Variants in PCCA observed in about 807,000 individuals in gnomAD.
PCCA encodes propionyl-CoA carboxylase subunit alpha.
In PCCA, 74 loss-of-function variants were observed where a neutral mutation model predicts 101.3. That is an observed-to-expected ratio of 0.73 (90% CI 0.61 to 0.89). The LOEUF (loss-of-function observed/expected upper bound fraction) is 0.89, where lower values mean the gene tolerates loss of function less well. Among genes scored for constraint, PCCA ranks in the 40% least tolerant of loss-of-function variants. The pLI, the probability that PCCA is intolerant of heterozygous loss-of-function variation, is 0.00. For synonymous variants in PCCA, 294 were observed against 313.6 expected, an observed-to-expected ratio of 0.94 and a Z score of 0.66; for missense variants, 891 against 907.0, an observed-to-expected ratio of 0.98 and a Z score of 0.23.
At chr13:100,119,754 G>T (rs2049180471) in intron 4 of PCCA, among the ~76,000 whole-genome samples, 1 of 152,068 alleles carries the variant, frequency 6.6e-6, no homozygotes, top group South Asian at 2.1e-4. Context: ...AACTCACACG[G>T]GATCTGTTTC....
intron 21 of PCCA, among the ~76,000 whole-genome samples, chr13:100,514,800 T>C (rs2152997712): frequency 6.6e-6 from 1 of 152,334 alleles, no homozygotes; most frequent in Non-Finnish European, 1.5e-5. Flanking sequence ...ATCTTGCATC[T>C]TTTCCTAACC....
intron 21 of PCCA, among the ~76,000 whole-genome samples, chr13:100,501,934 T>TG (rs1402378989): frequency 2.0e-5 from 3 of 151,120 alleles, no homozygotes; most frequent in African/African-American, 7.3e-5. Flanking sequence ...GAAACTCAGG[T>TG]GGGGGGCCTA....
chr13:100,240,940 A>ATG (rs2061091534), intron 8 of PCCA, among the ~76,000 whole-genome samples: 1 of 152,090 alleles, frequency 6.6e-6, no homozygotes, highest in Non-Finnish European at 1.5e-5. Context: ...ATGCATATAT[A>ATG]TATATAACTT....
At chr13:100,442,367 A>C (rs1054413967) in intron 20 of PCCA, among the ~76,000 whole-genome samples, 1 of 152,212 alleles carries the variant, frequency 6.6e-6, no homozygotes, top group African/African-American at 2.4e-5. Flanking sequence ...TTATATATGT[A>C]ATTGTGACCT....
At chr13:100,526,434 C>T (rs2087823755) in intron 22 of PCCA, among the ~76,000 whole-genome samples, 1 of 152,236 alleles carries the variant, frequency 6.6e-6, no homozygotes, top group Non-Finnish European at 1.5e-5. Flanking sequence ...AAGCAGCCCA[C>T]CACCTGAACA....
intron 2 of PCCA, among the ~76,000 whole-genome samples, chr13:100,106,658 A>G (rs1229682364): frequency 6.6e-6 from 1 of 151,970 alleles, no homozygotes; most frequent in Non-Finnish European, 1.5e-5. Flanking sequence ...CAGGTGATCC[A>G]CCTGTCTCCA....
chr13:100,317,779 G>T (rs952100256), intron 16 of PCCA, among the ~76,000 whole-genome samples: 1 of 152,094 alleles, frequency 6.6e-6, no homozygotes, highest in African/African-American at 2.4e-5. Context: ...GTAGAGATGG[G>T]ATTTTGCCAT....
At chr13:100,260,747 AT>A (rs1368832258) in intron 9 of PCCA, among the ~76,000 whole-genome samples, 3 of 152,104 alleles carry the variant, frequency 2.0e-5, no homozygotes, top group African/African-American at 7.2e-5. Flanking sequence ...ATTAAATGAT[AT>A]TATTTTAAAG....
At chr13:100,376,615 A>G in intron 19 of PCCA, among the ~76,000 whole-genome samples, 1 of 152,142 alleles carries the variant, frequency 6.6e-6, no homozygotes, top group East Asian at 1.9e-4. Context: ...GGCTTTGTTT[A>G]TTCTCTGAGG....
intron 7 of PCCA, among the ~76,000 whole-genome samples, chr13:100,215,174 A>G (rs2059442169): frequency 6.6e-6 from 1 of 152,180 alleles, no homozygotes; most frequent in Admixed American, 6.5e-5. Context: ...GGCATTCCTT[A>G]ACTGTCTTCA....
At chr13:100,410,045 C>T (rs902058179) in intron 19 of PCCA, among the ~76,000 whole-genome samples, 1 of 152,114 alleles carries the variant, frequency 6.6e-6, no homozygotes, top group Non-Finnish European at 1.5e-5. Flanking sequence ...CAGGCGTGAG[C>T]AACCATGCCC....
intron 1 of PCCA, among the ~76,000 whole-genome samples, chr13:100,098,993 A>G (rs1215241244): frequency 6.6e-6 from 1 of 152,186 alleles, no homozygotes; most frequent in African/African-American, 2.4e-5. Context: ...TAAGACCTTC[A>G]CCTGGAATTT....
chr13:100,485,788 A>C (rs536641741), intron 21 of PCCA, among the ~76,000 whole-genome samples: 1 of 152,328 alleles, frequency 6.6e-6, no homozygotes, highest in East Asian at 1.9e-4. Context: ...TGTGTGAGGC[A>C]CCATAGATTC....
intron 8 of PCCA, among the ~76,000 whole-genome samples, chr13:100,251,202 T>C (rs893237815): frequency 6.6e-6 from 1 of 152,178 alleles, no homozygotes; most frequent in Non-Finnish European, 1.5e-5. Flanking sequence ...AAAGAATTTA[T>C]AAGAGTTTCA....
intron 19 of PCCA, among the ~76,000 whole-genome samples, chr13:100,406,721 G>T (rs532766636): frequency 6.6e-6 from 1 of 152,244 alleles, no homozygotes; most frequent in South Asian, 2.1e-4. Flanking sequence ...CCCAAAAAAA[G>T]AGAAAAATAG....
At chr13:100,286,295 C>T (rs905092682) in intron 12 of PCCA, among the ~76,000 whole-genome samples, 6 of 152,184 alleles carry the variant, frequency 3.9e-5, no homozygotes, top group South Asian at 4.1e-4. Flanking sequence ...TGAGCACACA[C>T]TCGGACAAGG....
At chr13:100,219,982 C>T (rs1253457915) in intron 7 of PCCA, among the ~76,000 whole-genome samples, 3 of 152,114 alleles carry the variant, frequency 2.0e-5, no homozygotes, top group Admixed American at 6.6e-5. Context: ...CATTGTTTGA[C>T]AATGTGGTGC....
At chr13:100,206,666 G>T (rs1226632702) in intron 6 of PCCA, among the ~76,000 whole-genome samples, 2 of 152,132 alleles carry the variant, frequency 1.3e-5, no homozygotes, top group African/African-American at 2.4e-5. Context: ...TTTAGGACAT[G>T]CTACTCCCAA....
chr13:100,269,322 G>A (rs2152573094), intron 11 of PCCA, among the ~76,000 whole-genome samples: 1 of 152,342 alleles, frequency 6.6e-6, no homozygotes, highest in East Asian at 1.9e-4. Context: ...AGAGGAGAAA[G>A]TTGGGTAGAC....
Sources: allele counts gnomAD v4.1 joint callset (sites outside exome capture counted in the v4.1 genomes callset), GRCh38; gene constraint gnomAD v4.1.1; transcripts MANE v1.5; gene names NCBI Gene and HGNC (gene_info 2026-07-23, HGNC 2026-07-21).